The following SLC25A26 variants were observed in gnomAD, a reference collection of about 807,000 sequenced individuals.
SLC25A26 encodes the protein solute carrier family 25 member 26.
Under a neutral mutation model 37.8 loss-of-function variants are expected in SLC25A26, and 36 were observed. The ratio of observed to expected loss-of-function variants is 0.95; its 90% confidence interval spans 0.73 to 1.26. The LOEUF is 1.26. Ranked by LOEUF, SLC25A26 falls within the 50% of genes most tolerant of loss-of-function variation. The pLI is 0.00. For missense variants in SLC25A26, 390 were observed against 331.1 expected, an observed-to-expected ratio of 1.18 and a Z score of -1.38; for synonymous variants, 129 against 122.5, an observed-to-expected ratio of 1.05 and a Z score of -0.35.
At chr3:66,308,150 A>G (rs1358442802) in intron 5 of SLC25A26, among the ~76,000 whole-genome samples, 2 of 152,014 alleles carry the variant, frequency 1.3e-5, no homozygotes, top group African/African-American at 2.4e-5. Context: ...GTGTTTTTCC[A>G]TTTGTTTGGG....
At chr3:66,339,785 A>C (rs1330956671) in intron 5 of SLC25A26, among the ~76,000 whole-genome samples, 2 of 152,004 alleles carry the variant, frequency 1.3e-5, no homozygotes, top group Non-Finnish European at 2.9e-5. Flanking sequence ...ATGATTTGCA[A>C]ATATTTTCTC....
intron 5 of SLC25A26, among the ~76,000 whole-genome samples, chr3:66,282,444 C>G (rs1261928644): frequency 2.3e-5 from 3 of 132,812 alleles, no homozygotes; most frequent in Non-Finnish European, 5.1e-5. Context: ...CTGTGCCAGG[C>G]CCCCATTAGT....
At chr3:66,227,864 G>A (rs797024692) in intron 1 of SLC25A26, among the ~76,000 whole-genome samples, 5 of 152,236 alleles carry the variant, frequency 3.3e-5, no homozygotes, top group African/African-American at 9.6e-5. Context: ...AAGGTAATAC[G>A]AATGAAGTAT....
chr3:66,178,044 C>T (rs1489632541), intron 1 of SLC25A26, among the ~76,000 whole-genome samples: 1 of 152,168 alleles, frequency 6.6e-6, no homozygotes, highest in Non-Finnish European at 1.5e-5. Context: ...CTAACTGAGA[C>T]AGCTCGTGGG....
chr3:66,234,228 G>T (rs998960150), intron 1 of SLC25A26, among the ~76,000 whole-genome samples: 2 of 152,168 alleles, frequency 1.3e-5, no homozygotes, highest in African/African-American at 4.8e-5. Flanking sequence ...AGGTAGCTGG[G>T]ATTACAGGTA....
chr3:66,365,851 T>C (rs1001177146), intron 7 of SLC25A26, among the ~76,000 whole-genome samples: 1 of 152,186 alleles, frequency 6.6e-6, no homozygotes, highest in African/African-American at 2.4e-5. Context: ...CCTTCCAGAC[T>C]AATCAGGGGC....
intron 1 of SLC25A26, among the ~76,000 whole-genome samples, chr3:66,138,109 C>T (rs2069975297): frequency 6.6e-6 from 1 of 152,222 alleles, no homozygotes; most frequent in African/African-American, 2.4e-5. Context: ...GCTGGGATTA[C>T]AGGCATGAGC....
chr3:66,249,333 A>G (rs924364709), intron 3 of SLC25A26, among the ~76,000 whole-genome samples: 16 of 152,198 alleles, frequency 1.1e-4, no homozygotes, highest in African/African-American at 3.9e-4. Context: ...ACCACAGTCC[A>G]TTCCAGGGTC....
intron 5 of SLC25A26, among the ~76,000 whole-genome samples, chr3:66,338,673 G>C (rs928831090): frequency 7.9e-5 from 12 of 151,736 alleles, no homozygotes; most frequent in African/African-American, 2.9e-4. Context: ...AGACAGAAAG[G>C]TTGTATCATT....
chr3:66,252,573 C>T (rs570731348), intron 3 of SLC25A26, among the ~76,000 whole-genome samples: 4 of 152,184 alleles, frequency 2.6e-5, no homozygotes, highest in South Asian at 4.1e-4. Context: ...CCATCCCAGT[C>T]ACAGTTCTTA....
intron 5 of SLC25A26, among the ~76,000 whole-genome samples, chr3:66,315,080 ATTTTT>A (rs58312800): frequency 8.4e-6 from 1 of 119,316 alleles, no homozygotes; most frequent in African/African-American, 3.1e-5. Flanking sequence ...GGATTCTTTG[ATTTTT>A]TTTTTTTTTT....
chr3:66,280,744 C>T (rs1028375828), intron 5 of SLC25A26, among the ~76,000 whole-genome samples: 1 of 151,834 alleles, frequency 6.6e-6, no homozygotes, highest in African/African-American at 2.4e-5. Context: ...TTTTTTTCCC[C>T]AGGATTCACC....
chr3:66,378,516 T>C lies in SLC25A26; in HGVS notation c.*709T>C, dbSNP rs142940746. On this transcript the variant is annotated 3_prime_UTR_variant, in exon 10 of 10. Coordinates refer to ENST00000354883, the MANE Select transcript of SLC25A26 (RefSeq NM_001379210.1). ...CAGGAGGGCACGGTGGGTGAGCCAT[T>C]CTCGCCATTCTCATGTCAGACTGAA... 377 of 152,650 alleles carry C rather than the reference T, an allele frequency of 2.5e-3. 1 individual carries two copies. Among genetic ancestry groups the C allele is most frequent in the Non-Finnish European group, 4.7e-3 (321 of 68,018 alleles). The allele number at this position is 152,650 out of a possible 1,614,324, so 9.5% of individuals were successfully genotyped here.
intron 1 of SLC25A26, among the ~76,000 whole-genome samples, chr3:66,201,405 T>G (rs2106813588): frequency 6.6e-6 from 1 of 152,166 alleles, no homozygotes; most frequent in South Asian, 2.1e-4. Context: ...CAATAACATC[T>G]CACTACAGCC....
chr3:66,158,887 C>G (rs926772517), intron 1 of SLC25A26, among the ~76,000 whole-genome samples: 6 of 152,044 alleles, frequency 3.9e-5, no homozygotes, highest in African/African-American at 1.2e-4. Flanking sequence ...AGTCTGCACA[C>G]AAGCAGGATG....
At chr3:66,310,910 C>T (rs141321920) in intron 5 of SLC25A26, among the ~76,000 whole-genome samples, 147 of 152,206 alleles carry the variant, frequency 9.7e-4, no homozygotes, top group African/African-American at 3.0e-3. Flanking sequence ...CCTTTCTCTC[C>T]GGCTGCCCTT....
chr3:66,298,370 A>C (rs1045432371), intron 5 of SLC25A26, among the ~76,000 whole-genome samples: 1 of 152,220 alleles, frequency 6.6e-6, no homozygotes, highest in Non-Finnish European at 1.5e-5. Context: ...TTTTAATATA[A>C]TGAGAAATTT....
In SLC25A26 at chr3:66,330,661, A is replaced by ATT. The variant is rs11402140; in HGVS notation, c.454-15694_454-15693dup. 4.4e-3 allele frequency among the ~76,000 whole-genome samples: 637 copies of ATT among 146,228 alleles called. 5 individuals carry two copies. The highest frequency in any genetic ancestry group is 0.014 in the African/African-American group (542 of 39,682). On this transcript the variant is annotated intron_variant, in intron 5 of 9. Transcript: ENST00000354883. ...GGTGGGGTGGGGGGAGTGGGTAGGC[A>ATT]TTTTTTTTTTGTCAGAATACACGAA...
At chr3:66,149,055 G>T (rs1036387799) in intron 1 of SLC25A26, among the ~76,000 whole-genome samples, 6 of 152,130 alleles carry the variant, frequency 3.9e-5, no homozygotes, top group Admixed American at 2.0e-4. Flanking sequence ...TGCTTCCTTT[G>T]CTGTGGGGTG....
Sources: gnomAD v4.1 joint callset for allele counts (sites outside exome capture counted in the v4.1 genomes callset) on GRCh38, gnomAD v4.1.1 for gene constraint, MANE v1.5 for transcripts, NCBI Gene and HGNC (gene_info 2026-07-23, HGNC 2026-07-21) for gene names.